The following HIVEP3 variants were observed in gnomAD, a reference collection of about 807,000 sequenced individuals.
HIVEP3 encodes the protein HIVEP zinc finger 3.
Under a neutral mutation model 152.8 loss-of-function variants are expected in HIVEP3, and 49 were observed. That is an observed-to-expected ratio of 0.32 (90% CI 0.26 to 0.41). The LOEUF (loss-of-function observed/expected upper bound fraction) is 0.41. HIVEP3 is among the 10% of genes least tolerant of loss of function. The pLI, the probability that HIVEP3 is intolerant of heterozygous loss-of-function variation, is 1.00. For synonymous variants in HIVEP3, 1,269 were observed against 1,289.0 expected (o/e 0.98, Z 0.33); for missense variants, 2,790 against 3,103.3 (o/e 0.90, Z 2.40).
chr1:41,810,149 G>A (rs1408031151), intron 1 of HIVEP3, among the ~76,000 whole-genome samples: 1 of 152,166 alleles, frequency 6.6e-6, no homozygotes, highest in Non-Finnish European at 1.5e-5. Context: ...TCCCCCAGCT[G>A]CCCACAAGAC....
intron 2 of HIVEP3, among the ~76,000 whole-genome samples, chr1:41,656,001 A>C (rs1480768883): frequency 3.3e-5 from 5 of 152,252 alleles, no homozygotes; most frequent in Admixed American, 6.5e-5. Context: ...CAGGTGGCTC[A>C]GAGCCCTTTG....
chr1:41,677,142 C>G (rs1251265249), intron 2 of HIVEP3, among the ~76,000 whole-genome samples: 1 of 152,214 alleles, frequency 6.6e-6, no homozygotes, highest in Non-Finnish European at 1.5e-5. Context: ...CCACCACCTA[C>G]TCATCCCTAT....
intron 1 of HIVEP3, among the ~76,000 whole-genome samples, chr1:41,751,459 C>CTA (rs2124224760): frequency 6.6e-6 from 1 of 150,736 alleles, no homozygotes; most frequent in East Asian, 2.0e-4. Context: ...AGGTGCCTTT[C>CTA]TATATTTAAC....
intron 2 of HIVEP3, among the ~76,000 whole-genome samples, chr1:41,698,816 C>A (rs1421577752): frequency 5.9e-5 from 9 of 152,170 alleles, no homozygotes; most frequent in African/African-American, 2.2e-4. Context: ...TCCTGGTCTT[C>A]TCTTGTTTCT....
intron 2 of HIVEP3, among the ~76,000 whole-genome samples, chr1:41,672,714 G>A (rs915450993): frequency 6.6e-6 from 1 of 152,192 alleles, no homozygotes; most frequent in Admixed American, 6.5e-5. Flanking sequence ...AGCCTTGAGG[G>A]CAGGGCTTGA....
At chr1:41,590,450 C>T (rs1214676891) in intron 3 of HIVEP3, among the ~76,000 whole-genome samples, 2 of 152,202 alleles carry the variant, frequency 1.3e-5, no homozygotes, top group African/African-American at 4.8e-5. Flanking sequence ...AAAGTGCTTG[C>T]CCTCCACCTC....
chr1:41,703,099 C>A (rs1472733770), intron 1 of HIVEP3, among the ~76,000 whole-genome samples: 2 of 152,170 alleles, frequency 1.3e-5, no homozygotes, highest in African/African-American at 4.8e-5. Context: ...ACATTACTGA[C>A]AATCCATTCT....
At chr1:41,819,968 AG>A (rs1642541275) in intron 1 of HIVEP3, among the ~76,000 whole-genome samples, 1 of 152,176 alleles carries the variant, frequency 6.6e-6, no homozygotes, top group African/African-American at 2.4e-5. Context: ...GCCATTGTAA[AG>A]CAAAAGCAGC....
At chr1:41,995,793 T>A (rs1008391819) in intron 1 of HIVEP3, among the ~76,000 whole-genome samples, 4 of 152,216 alleles carry the variant, frequency 2.6e-5, no homozygotes, top group African/African-American at 9.6e-5. Context: ...GAGTGAGATA[T>A]GCCTATTGTC....
At chr1:41,547,740 T>C (rs1238722365) in intron 5 of HIVEP3, among the ~76,000 whole-genome samples, 1 of 152,226 alleles carries the variant, frequency 6.6e-6, no homozygotes, top group Admixed American at 6.5e-5. Flanking sequence ...TAATTGACAA[T>C]AATTTTCATG....
chr1:41,572,056 T>C (rs1453592430), intron 5 of HIVEP3, among the ~76,000 whole-genome samples: 1 of 152,098 alleles, frequency 6.6e-6, no homozygotes, highest in East Asian at 1.9e-4. Context: ...ATGTTAAGGT[T>C]CTGAGTGTGA....
intron 1 of HIVEP3, among the ~76,000 whole-genome samples, chr1:41,797,534 G>C (rs1181796473): frequency 6.6e-6 from 1 of 152,134 alleles, no homozygotes; most frequent in Non-Finnish European, 1.5e-5. Context: ...AGAATTTCTG[G>C]TAGGAGGAGG....
intron 1 of HIVEP3, among the ~76,000 whole-genome samples, chr1:41,714,611 C>T (rs1281161383): frequency 6.6e-6 from 1 of 152,150 alleles, no homozygotes; most frequent in Non-Finnish European, 1.5e-5. Flanking sequence ...CACAGAGGGT[C>T]CCTGCTGGCC....
chr1:41,595,010 T>A (rs929966221), intron 3 of HIVEP3, among the ~76,000 whole-genome samples: 16 of 152,236 alleles, frequency 1.1e-4, no homozygotes, highest in African/African-American at 3.9e-4. Flanking sequence ...CTCTGAAATG[T>A]CTGTGGTGTC....
chr1:41,793,354 C>G (rs2124301377), intron 1 of HIVEP3, among the ~76,000 whole-genome samples: 1 of 152,322 alleles, frequency 6.6e-6, no homozygotes, highest in Non-Finnish European at 1.5e-5. Flanking sequence ...AGGTCCTTCT[C>G]TTAATCTGGT....
chr1:41,581,275 G>T lies in HIVEP3; in HGVS notation c.3523C>A (p.Pro1175Thr). The T allele has an allele frequency of 3.1e-6, 5 of 1,607,454 alleles. No individual in the cohort carries two copies. The highest frequency in any genetic ancestry group is 1.3e-5 in the African/African-American group (1 of 74,858). Residue 1175 changes from proline to threonine, a missense_variant, in exon 4 of 9, where the codon CCA becomes ACA. Pro to Thr is a conservative substitution (Grantham distance 38). This residue lies in a region of HIVEP3 where 1,078 missense variants were observed against 1,165.3 expected (regional missense o/e 0.93). Transcript: ENST00000372583. The surrounding 1 kb of genome is among the most constrained non-coding windows in gnomAD (Gnocchi z 4.5). ...TQAMSSLLSS[P>T]YSMPPLPPSL... ...GGAGGAAGTGGGGGCATGGAGTATGGTGAGGACAGGAGGCTGGACATGGCC... is the reference window on the plus strand; with the variant it reads ...GGAGGAAGTGGGGGCATGGAGTATGTTGAGGACAGGAGGCTGGACATGGCC...
rs184599760 is a variant in HIVEP3, at chr1:41,873,999, C to T, written c.-801+44414G>A. On this transcript the variant is annotated intron_variant, in intron 1 of 8. Coordinates refer to ENST00000372583, the MANE Select transcript of HIVEP3 (RefSeq NM_024503.5). The surrounding 1 kb of genome is among the most constrained non-coding windows in gnomAD (Gnocchi z 4.2). ...CTCCTCCACACTGTCAACTCTGCTCCAGGAAGGGGCAGTATCCCCAGTGTC... is the reference window on the plus strand; with the variant it reads ...CTCCTCCACACTGTCAACTCTGCTCTAGGAAGGGGCAGTATCCCCAGTGTC... Among the ~76,000 whole-genome samples the T allele has an allele frequency of 7.0e-4, 107 of 152,318 alleles. No homozygotes were observed. Among genetic ancestry groups the T allele is most frequent in the African/African-American group, 2.5e-3 (102 of 41,572 alleles).
intron 1 of HIVEP3, among the ~76,000 whole-genome samples, chr1:41,986,226 G>A (rs1645321722): frequency 1.3e-5 from 2 of 152,158 alleles, no homozygotes; most frequent in Admixed American, 1.3e-4. Flanking sequence ...CTATCTAGCT[G>A]AATGTTCAGA....
intron 1 of HIVEP3, among the ~76,000 whole-genome samples, chr1:41,965,883 C>T (rs1570851527): frequency 6.6e-6 from 1 of 152,132 alleles, no homozygotes; most frequent in Non-Finnish European, 1.5e-5. Context: ...CAGAGAACTC[C>T]AGTAAAATAC....
Sources: allele counts gnomAD v4.1 joint callset (sites outside exome capture counted in the v4.1 genomes callset), GRCh38; gene constraint gnomAD v4.1.1; regional missense constraint gnomAD v4.1.1; non-coding constraint Gnocchi (gnomAD v3.1); transcripts MANE v1.5; gene names NCBI Gene and HGNC (gene_info 2026-07-23, HGNC 2026-07-21).